The following EPB41L2 variants were observed in gnomAD, a reference collection of about 807,000 sequenced individuals.
EPB41L2 encodes band 4.1-like protein 2.
In EPB41L2, 43 loss-of-function variants were observed where a neutral mutation model predicts 113.0. The ratio of observed to expected loss-of-function variants is 0.38; its 90% CI spans 0.30 to 0.49. The LOEUF is 0.49. EPB41L2 is among the 20% of genes least tolerant of loss of function. The probability of loss-of-function intolerance (pLI) is 0.95; values close to 1 mark genes in which losing one functional copy is unlikely to be tolerated. For synonymous variants in EPB41L2, 442 were observed against 436.7 expected, an observed-to-expected ratio of 1.01 and a Z score of -0.15; for missense variants, 1,147 against 1,223.4, an observed-to-expected ratio of 0.94 and a Z score of 0.93.
In EPB41L2 at chr6:130,844,371, CCATGTGGCCAACATGGTGAAAT is replaced by C. The variant is rs545299999; in HGVS notation, c.*6-3795_*6-3774del. 7.9e-3 allele frequency among the ~76,000 whole-genome samples: 1,197 copies of C among 151,338 alleles called. 13 individuals are homozygous for C. Among genetic ancestry groups the C allele is most frequent in the African/African-American group, 0.027 (1,123 of 41,194 alleles). ...AGGTCAGGGGTTTCACATGGTGAAACCATGTGGCCAACATGGTGAAATCCCGTCTCTACTAAAAATACAAAAA... is the reference window on the plus strand; with the variant it reads ...AGGTCAGGGGTTTCACATGGTGAAACCCCGTCTCTACTAAAAATACAAAAA... On this transcript the variant is annotated intron_variant, in intron 19 of 19. Transcript: ENST00000337057.
intron 19 of EPB41L2, among the ~76,000 whole-genome samples, chr6:130,855,361 AAAAT>A (rs1366645345): frequency 2.0e-5 from 3 of 152,210 alleles, no homozygotes; most frequent in Non-Finnish European, 4.4e-5. Context: ...AAAAAAATAA[AAAAT>A]AAATAAAACC....
intron 1 of EPB41L2, among the ~76,000 whole-genome samples, chr6:131,020,586 G>A (rs985314664): frequency 2.6e-5 from 4 of 152,172 alleles, no homozygotes; most frequent in Non-Finnish European, 4.4e-5. Flanking sequence ...TGAAAAGACT[G>A]ATGGATTGAT....
intron 1 of EPB41L2, among the ~76,000 whole-genome samples, chr6:131,031,281 A>G (rs6569719): frequency 1 from 152,003 of 152,150 alleles, 75,929 homozygotes; most frequent in Middle Eastern, 1. Flanking sequence ...AAGTAAGGAT[A>G]AGAAAATATA....
chr6:131,036,696 C>T (rs989391741), intron 1 of EPB41L2, among the ~76,000 whole-genome samples: 11 of 152,134 alleles, frequency 7.2e-5, no homozygotes, highest in African/African-American at 2.7e-4. Flanking sequence ...GATTCTGATA[C>T]AATTTATCTG....
At position 131,057,394 on chromosome 6, in the gene EPB41L2, G is replaced by C. The variant is rs181105874; in HGVS notation, c.-15+5761C>G. Among the ~76,000 whole-genome samples, 367 of 152,278 alleles carry C rather than the reference G, an allele frequency of 2.4e-3. 2 individuals are homozygous for C. Among genetic ancestry groups the C allele is most frequent in the African/African-American group, 7.8e-3 (322 of 41,528 alleles). On this transcript the variant is annotated intron_variant, in intron 1 of 19. Transcript: ENST00000337057. ...CCAAATAATCTCCCTCAAGGTAAAT[G>C]AATCTAGGGTGAAAAACAAGTAGCT...
chr6:130,998,887 G>A (rs1359286828), intron 1 of EPB41L2, among the ~76,000 whole-genome samples: 4 of 152,034 alleles, frequency 2.6e-5, no homozygotes. Context: ...ACTGAGAGAG[G>A]AAAGCAAACC....
At chr6:130,924,445 C>A (rs1448371136) in intron 4 of EPB41L2, among the ~76,000 whole-genome samples, 2 of 151,744 alleles carry the variant, frequency 1.3e-5, no homozygotes, top group African/African-American at 4.8e-5. Context: ...ATGCCACAAT[C>A]TCGGCTCACT....
intron 4 of EPB41L2, among the ~76,000 whole-genome samples, chr6:130,921,042 C>T (rs1562490206): frequency 1.3e-5 from 2 of 152,164 alleles, no homozygotes; most frequent in African/African-American, 2.4e-5. Flanking sequence ...ACTCTCCCCT[C>T]GCTGTCATAG....
rs543473601 is a variant in EPB41L2 at position 130,948,980 on chromosome 6, G to C, written c.705+6125C>G. On this transcript the variant is annotated intron_variant, in intron 3 of 19. Coordinates refer to ENST00000337057, the MANE Select transcript of EPB41L2 (RefSeq NM_001431.4). ...CTCTTATTAACTGATAAACTAAGCA[G>C]TTAAACAATTAATAGAGATAGATAA... Among the ~76,000 whole-genome samples the C allele has an allele frequency of 2.6e-5, 4 of 152,256 alleles. No homozygotes were observed. The South Asian group carries it at 8.3e-4, about 32-fold the overall frequency.
chr6:130,967,552 AT>A (rs200443462), intron 1 of EPB41L2, among the ~76,000 whole-genome samples: 6 of 151,364 alleles, frequency 4.0e-5, no homozygotes, highest in Non-Finnish European at 8.9e-5. Context: ...AGTTGGGGAC[AT>A]TTTTTTTTAA....
chr6:130,865,457 C>A (rs1257849226), intron 17 of EPB41L2, 79 bp downstream of exon 17: 11 of 1,401,784 alleles, frequency 7.8e-6, no homozygotes, highest in Non-Finnish European at 1.0e-5. Flanking sequence ...GAAGTGTGTA[C>A]AGGAAGAGAG....
At chr6:130,980,922 T>C (rs1316748263) in intron 1 of EPB41L2, among the ~76,000 whole-genome samples, 1 of 152,164 alleles carries the variant, frequency 6.6e-6, no homozygotes, top group Non-Finnish European at 1.5e-5. Context: ...CGGACATTCA[T>C]TCTATTTTAT....
intron 4 of EPB41L2, among the ~76,000 whole-genome samples, chr6:130,920,096 T>A (rs1297268600): frequency 6.6e-6 from 1 of 152,178 alleles, no homozygotes; most frequent in Non-Finnish European, 1.5e-5. Context: ...CACTCTCCTC[T>A]TTCTTCAAAC....
intron 4 of EPB41L2, among the ~76,000 whole-genome samples, chr6:130,912,941 G>C (rs1031804568): frequency 1.3e-5 from 2 of 152,124 alleles, no homozygotes; most frequent in Non-Finnish European, 2.9e-5. Flanking sequence ...AAGAGAAAGT[G>C]CTGGTCTTAA....
chr6:131,006,491 G>GACAAAACCCCA (rs1562716218), intron 1 of EPB41L2, among the ~76,000 whole-genome samples: 8 of 151,300 alleles, frequency 5.3e-5, no homozygotes, highest in Non-Finnish European at 1.0e-4. Flanking sequence ...ACAAAACCCC[G>GACAAAACCCCA]TCTCTACTAA....
intron 3 of EPB41L2, among the ~76,000 whole-genome samples, chr6:130,952,545 G>T (rs1815541647): frequency 6.6e-6 from 1 of 152,100 alleles, no homozygotes; most frequent in Non-Finnish European, 1.5e-5. Context: ...TTTTGTTAAA[G>T]ATCTAAAACA....
intron 1 of EPB41L2, among the ~76,000 whole-genome samples, chr6:131,052,370 A>C (rs1326397314): frequency 6.6e-6 from 1 of 152,246 alleles, no homozygotes; most frequent in Admixed American, 6.5e-5. Context: ...AATTCCCTGC[A>C]CACAGTTATA....
At chr6:130,885,459 T>C (rs2128472273) in intron 11 of EPB41L2, among the ~76,000 whole-genome samples, 191 bp from the exon 12 acceptor site, 2 of 152,190 alleles carry the variant, frequency 1.3e-5, no homozygotes, top group South Asian at 4.1e-4. Context: ...ATTCTGAAAG[T>C]ATTCTGAATT....
rs141908512 is a variant in EPB41L2 at position 130,920,228 on chromosome 6, C to T, written c.810+6377G>A. Reference sequence around the variant, plus strand: ...TGCAATATGATAGCCACTGGTCACACGAGGCTATTTCAATTTAAATTACTT... The same window carrying T: ...TGCAATATGATAGCCACTGGTCACATGAGGCTATTTCAATTTAAATTACTT... On this transcript the variant is annotated intron_variant, in intron 4 of 19. Coordinates refer to ENST00000337057, the MANE Select transcript of EPB41L2 (RefSeq NM_001431.4). Among the ~76,000 whole-genome samples the T allele has an allele frequency of 3.9e-3, 594 of 152,294 alleles. 2 individuals carry two copies. Among genetic ancestry groups the T allele is most frequent in the African/African-American group, 0.013 (552 of 41,554 alleles).
Sources: allele counts gnomAD v4.1 joint callset (sites outside exome capture counted in the v4.1 genomes callset), GRCh38; gene constraint gnomAD v4.1.1; transcripts MANE v1.5; gene names NCBI Gene and HGNC (gene_info 2026-07-23, HGNC 2026-07-21).